The following SAMD5 variants were observed in gnomAD, a reference collection of about 807,000 sequenced individuals.
The protein encoded by SAMD5 is sterile alpha motif domain-containing protein 5.
In SAMD5, 13 loss-of-function variants were observed where a neutral mutation model predicts 11.3. That is an observed-to-expected ratio of 1.15 (90% CI 0.75 to 1.83). The LOEUF is 1.83. Ranked by LOEUF, SAMD5 falls within the 40% of genes most tolerant of loss-of-function variation. The pLI, the probability that SAMD5 is intolerant of heterozygous loss-of-function variation, is 0.00. For synonymous variants in SAMD5, 129 were observed against 111.3 expected, an observed-to-expected ratio of 1.16 and a Z score of -1.00; for missense variants, 255 against 239.1, an observed-to-expected ratio of 1.07 and a Z score of -0.44.
the SAMD5 span, among the ~76,000 whole-genome samples, chr6:147,930,222 G>A: frequency 6.6e-6 from 1 of 152,070 alleles, no homozygotes; most frequent in East Asian, 1.9e-4. Context: ...TCCTCTGCAT[G>A]GCCTTTCCTA....
chr6:147,754,610 G>A, the SAMD5 span, among the ~76,000 whole-genome samples: 3 of 152,008 alleles, frequency 2.0e-5, no homozygotes, highest in Admixed American at 1.3e-4. Flanking sequence ...CTGTGCTTGT[G>A]GAGTATTCCT....
chr6:147,778,272 G>A, the SAMD5 span, among the ~76,000 whole-genome samples: 1 of 151,986 alleles, frequency 6.6e-6, no homozygotes, highest in Admixed American at 6.6e-5. Context: ...TATCCCTTTG[G>A]TGATCTCCTC....
At chr6:147,650,640 G>A (rs1184932537) in intron 1 of SAMD5, among the ~76,000 whole-genome samples, 2 of 152,222 alleles carry the variant, frequency 1.3e-5, no homozygotes, top group African/African-American at 4.8e-5. Context: ...TGTATCTGAT[G>A]TGATTAAGGA....
the SAMD5 span, among the ~76,000 whole-genome samples, chr6:147,767,180 A>T: frequency 6.6e-6 from 1 of 152,222 alleles, no homozygotes; most frequent in East Asian, 1.9e-4. Context: ...CTACAACAGT[A>T]TCTTAGGTTG....
the SAMD5 span, among the ~76,000 whole-genome samples, chr6:147,946,365 T>A: frequency 5.3e-5 from 8 of 152,316 alleles, no homozygotes; most frequent in Admixed American, 5.2e-4. Context: ...CCTGAGATAA[T>A]CTTTTAAACA....
At chr6:147,898,318 A>G in the SAMD5 span, among the ~76,000 whole-genome samples, 1 of 152,254 alleles carries the variant, frequency 6.6e-6, no homozygotes, top group Non-Finnish European at 1.5e-5. Context: ...AAGGTTACTC[A>G]GTGAGCTACC....
At chr6:147,541,363 T>G (rs1468444017) in intron 1 of SAMD5, among the ~76,000 whole-genome samples, 1 of 152,162 alleles carries the variant, frequency 6.6e-6, no homozygotes. Context: ...CAAATTAACA[T>G]TTTCCATTCC....
At chr6:147,771,295 G>A in the SAMD5 span, among the ~76,000 whole-genome samples, 1 of 152,202 alleles carries the variant, frequency 6.6e-6, no homozygotes, top group Non-Finnish European at 1.5e-5. Flanking sequence ...GGGATAAGCA[G>A]TGGGTATGCC....
intron 1 of SAMD5, among the ~76,000 whole-genome samples, chr6:147,688,133 G>A (rs1791045318): frequency 6.6e-6 from 1 of 151,330 alleles, no homozygotes; most frequent in South Asian, 2.1e-4. Flanking sequence ...CTTTGTTTCT[G>A]TTTTCCTTCT....
chr6:147,940,771 G>A, the SAMD5 span, among the ~76,000 whole-genome samples: 1 of 152,038 alleles, frequency 6.6e-6, no homozygotes, highest in South Asian at 2.1e-4. Flanking sequence ...AGACCAGCCT[G>A]GCCAATATGG....
chr6:147,836,829 T>C, the SAMD5 span, among the ~76,000 whole-genome samples: 1 of 152,172 alleles, frequency 6.6e-6, no homozygotes, highest in African/African-American at 2.4e-5. Flanking sequence ...CAGGTACAAA[T>C]TAAGTGCTCA....
At chr6:147,700,153 C>T (rs1379619614) in intron 1 of SAMD5, among the ~76,000 whole-genome samples, 1 of 152,150 alleles carries the variant, frequency 6.6e-6, no homozygotes, top group Non-Finnish European at 1.5e-5. Context: ...TTCAACCTCT[C>T]TTTAGTTTGT....
intron 1 of SAMD5, among the ~76,000 whole-genome samples, chr6:147,720,429 C>G (rs984771113): frequency 6.6e-5 from 10 of 151,476 alleles, no homozygotes; most frequent in South Asian, 4.2e-4. Flanking sequence ...CGCCACTGCA[C>G]TCCAGCCTGG....
At chr6:147,632,739 A>G (rs73587421) in intron 1 of SAMD5, among the ~76,000 whole-genome samples, 5,958 of 152,338 alleles carry the variant, frequency 0.039, 213 homozygotes, top group African/African-American at 0.093. Flanking sequence ...TAAATGTCTA[A>G]TGTTCTTCTT....
At chr6:147,737,718 G>C (rs1351469221), downstream of SAMD5, among the ~76,000 whole-genome samples, 1 of 123,926 alleles carries the variant, frequency 8.1e-6, no homozygotes, top group African/African-American at 3.1e-5. Context: ...GGCTGGAATA[G>C]AGTGGAGTAT....
chr6:147,608,096 C>T lies in SAMD5; in HGVS notation c.162+98709C>T, dbSNP rs187072376. On this transcript the variant is annotated intron_variant, in intron 1 of 1. Coordinates refer to the SAMD5 transcript ENST00000566741. ...TCAAAACTATAATGAGATATCATCT[C>T]ACCCCAGTTAAAATGGCTTATATCC... Among the ~76,000 whole-genome samples the T allele has an allele frequency of 9.0e-4, 137 of 152,304 alleles. 1 individual carries two copies. Among genetic ancestry groups the T allele is most frequent in the Admixed American group, 5.0e-3 (76 of 15,296 alleles).
chr6:147,653,377 G>A (rs769677241), intron 1 of SAMD5, among the ~76,000 whole-genome samples: 2 of 152,198 alleles, frequency 1.3e-5, no homozygotes, highest in Non-Finnish European at 1.5e-5. Context: ...TGGACAGTGA[G>A]AGTATGTGTC....
chr6:147,807,782 CT>C, the SAMD5 span, among the ~76,000 whole-genome samples: 1 of 152,034 alleles, frequency 6.6e-6, no homozygotes, highest in Non-Finnish European at 1.5e-5. Flanking sequence ...CAGGACTTAC[CT>C]TTTTTCAATG....
intron 1 of SAMD5, among the ~76,000 whole-genome samples, chr6:147,690,640 C>T (rs1365063761): frequency 6.6e-6 from 1 of 152,116 alleles, no homozygotes; most frequent in Non-Finnish European, 1.5e-5. Flanking sequence ...CAGAGTGAGA[C>T]TGTCTCAAAA....
Sources: allele counts gnomAD v4.1 joint callset (sites outside exome capture counted in the v4.1 genomes callset), GRCh38; gene constraint gnomAD v4.1.1; transcripts MANE v1.5; gene names NCBI Gene and HGNC (gene_info 2026-07-23, HGNC 2026-07-21).